Variants in ARHGEF28 observed in about 807,000 individuals in gnomAD.
The protein encoded by ARHGEF28 is 190 kDa guanine nucleotide exchange factor.
ARHGEF28 carries 152 observed loss-of-function variants against 206.6 expected under a neutral mutation model. The ratio of observed to expected loss-of-function variants is 0.74; its 90% CI spans 0.64 to 0.84. The LOEUF (loss-of-function observed/expected upper bound fraction) is 0.84. Among genes scored for constraint, ARHGEF28 ranks in the 40% least tolerant of loss-of-function variants. The probability of loss-of-function intolerance (pLI) is 0.00; values close to 1 mark genes in which losing one functional copy is unlikely to be tolerated. For missense variants in ARHGEF28, 2,028 were observed against 2,073.2 expected, an observed-to-expected ratio of 0.98 and a Z score of 0.42; for synonymous variants, 763 against 776.4, an observed-to-expected ratio of 0.98 and a Z score of 0.29.
At chr5:73,863,786 C>T (rs1376473098) in intron 16 of ARHGEF28, among the ~76,000 whole-genome samples, 4 of 151,904 alleles carry the variant, frequency 2.6e-5, no homozygotes, top group Admixed American at 2.6e-4. Context: ...TATTTACTCA[C>T]TCTGCAATGA....
intron 1 of ARHGEF28, among the ~76,000 whole-genome samples, chr5:73,672,959 G>C (rs1180357510): frequency 1.3e-5 from 2 of 152,158 alleles, no homozygotes; most frequent in Non-Finnish European, 2.9e-5. Flanking sequence ...CCATTAGTTT[G>C]AATTAATGAG....
At chr5:73,630,401 A>G (rs1053392656) in intron 1 of ARHGEF28, among the ~76,000 whole-genome samples, 1 of 152,200 alleles carries the variant, frequency 6.6e-6, no homozygotes, top group Non-Finnish European at 1.5e-5. Context: ...TCTCTACCTC[A>G]GGTTTTTCCA....
chr5:73,807,817 CA>C (rs1221164380), intron 9 of ARHGEF28, among the ~76,000 whole-genome samples: 1 of 151,738 alleles, frequency 6.6e-6, no homozygotes, highest in Non-Finnish European at 1.5e-5. Flanking sequence ...TGTGTTGCTT[CA>C]GTCAGGAAAT....
In ARHGEF28 at chr5:73,935,076, C is replaced by T. The variant is rs377708818; in HGVS notation, c.4949-5768C>T. ...ATCATATCTCCTGTTAATATAATCT[C>T]ATCTTCATTGTATGGATTGTTTTCA... On this transcript the variant is annotated intron_variant, in intron 35 of 35. Coordinates refer to ENST00000513042, the MANE Select transcript of ARHGEF28 (RefSeq NM_001177693.2). Among the ~76,000 whole-genome samples the T allele has an allele frequency of 1.2e-4, 19 of 152,314 alleles. 1 individual carries two copies. Among genetic ancestry groups the T allele is most frequent in the African/African-American group, 4.6e-4 (19 of 41,574 alleles).
intron 1 of ARHGEF28, among the ~76,000 whole-genome samples, chr5:73,676,883 C>A (rs891770275): frequency 4.6e-5 from 7 of 152,178 alleles, no homozygotes; most frequent in African/African-American, 1.7e-4. Context: ...TGGTGTGTGG[C>A]AAGCTTATCA....
In ARHGEF28 at chr5:73,858,163, T is replaced by C; in HGVS notation, c.1991T>C (p.Leu664Pro). The C allele has an allele frequency of 6.2e-7, 1 of 1,611,998 alleles. No homozygotes were observed. Among genetic ancestry groups the C allele is most frequent in the South Asian group, 1.1e-5 (1 of 90,644 alleles). Residue 664 changes from leucine to proline, a missense_variant, in exon 16 of 36, where the codon CTG becomes CCG. Leu to Pro is a moderately conservative substitution (Grantham distance 98). This residue lies in a region of ARHGEF28 where 1,002 missense variants were observed against 1,015.3 expected (regional missense o/e 0.99). Coordinates refer to ENST00000513042, the MANE Select transcript of ARHGEF28 (RefSeq NM_001177693.2). ...QFAPGTFSGV[L>P]QCLVCDKTLL... The stretch of plus-strand genomic sequence containing the variant: ...GCCCCAGGAACATTCTCTGGGGTTC[T>C]GCAGTGTTTGGTTTGTGATAAAACA...
At chr5:73,697,596 A>G (rs777134158) in intron 2 of ARHGEF28, among the ~76,000 whole-genome samples, 1 of 152,072 alleles carries the variant, frequency 6.6e-6, no homozygotes, top group Non-Finnish European at 1.5e-5. Context: ...TTACAGAGCC[A>G]CCAGTCCCCC....
chr5:73,785,337 A>G (rs908262450), intron 7 of ARHGEF28, among the ~76,000 whole-genome samples: 63 of 152,284 alleles, frequency 4.1e-4, no homozygotes, highest in African/African-American at 1.1e-3. Context: ...TCAACCTCTC[A>G]TAGAAACCGT....
intron 1 of ARHGEF28, among the ~76,000 whole-genome samples, chr5:73,673,804 T>C (rs966931728): frequency 6.6e-6 from 1 of 152,144 alleles, no homozygotes; most frequent in African/African-American, 2.4e-5. Context: ...TTGGGATAGG[T>C]ACTATGATTA....
chr5:73,857,069 C>T (rs1289367981), intron 14 of ARHGEF28, among the ~76,000 whole-genome samples: 3 of 152,042 alleles, frequency 2.0e-5, no homozygotes, highest in Admixed American at 6.6e-5. Flanking sequence ...ATGGAGTATC[C>T]ATAGCCTCTC....
chr5:73,897,206 T>A (rs899939441), intron 29 of ARHGEF28, among the ~76,000 whole-genome samples: 2 of 152,210 alleles, frequency 1.3e-5, no homozygotes, highest in East Asian at 3.8e-4. Context: ...AATAGAATGC[T>A]CTTCCTCCTC....
At chr5:73,644,727 C>A (rs1428905402) in intron 1 of ARHGEF28, among the ~76,000 whole-genome samples, 2 of 152,208 alleles carry the variant, frequency 1.3e-5, no homozygotes, top group African/African-American at 4.8e-5. Context: ...TGGCTAGCTT[C>A]TGTTGCTAGT....
In ARHGEF28 at chr5:73,698,701, A is replaced by G. The variant is rs529422717; in HGVS notation, c.33+13817A>G. Among the ~76,000 whole-genome samples, 6 of 152,142 alleles carry G rather than the reference A, an allele frequency of 3.9e-5. No homozygotes were observed. The South Asian group carries it at 1.0e-3, about 26-fold the overall frequency. Reference sequence around the variant, plus strand: ...AAAGTGATTATGTGTGATAATTGTGATAAGTGTTGGATAAGAACATGCTGA... The same window carrying G: ...AAAGTGATTATGTGTGATAATTGTGGTAAGTGTTGGATAAGAACATGCTGA... On this transcript the variant is annotated intron_variant, in intron 2 of 35. Coordinates refer to ENST00000513042, the MANE Select transcript of ARHGEF28 (RefSeq NM_001177693.2).
chr5:73,812,387 G>T (rs1392664723), intron 9 of ARHGEF28, among the ~76,000 whole-genome samples: 1 of 152,174 alleles, frequency 6.6e-6, no homozygotes, highest in Non-Finnish European at 1.5e-5. Context: ...CATATTGTAT[G>T]TTTCCAATGT....
rs138329761 is a variant in ARHGEF28, at chr5:73,918,010, A to G, written c.4948+6435A>G. On this transcript the variant is annotated intron_variant, in intron 35 of 35. Coordinates refer to ENST00000513042, the MANE Select transcript of ARHGEF28 (RefSeq NM_001177693.2). Reference sequence around the variant, plus strand: ...GTAATGATCCGGCTTCAGCAAAGGAAAGGAAGCATCACTCTCTCCATGTAT... The same window carrying G: ...GTAATGATCCGGCTTCAGCAAAGGAGAGGAAGCATCACTCTCTCCATGTAT... Among the ~76,000 whole-genome samples, 190 of 152,288 alleles carry G rather than the reference A, an allele frequency of 1.2e-3. 1 individual carries two copies. In the East Asian group the frequency reaches 0.025, roughly 20 times the overall value.
intron 9 of ARHGEF28, among the ~76,000 whole-genome samples, chr5:73,829,008 A>G (rs1757120122): frequency 6.6e-6 from 1 of 152,054 alleles, no homozygotes; most frequent in South Asian, 2.1e-4. Context: ...TTTAGTGGAG[A>G]CAGGGTTTAG....
chr5:73,834,748 T>C (rs1170963598), intron 10 of ARHGEF28, among the ~76,000 whole-genome samples: 1 of 152,158 alleles, frequency 6.6e-6, no homozygotes, highest in Non-Finnish European at 1.5e-5. Context: ...CAGTATTCTG[T>C]ATAGTAACAT....
intron 22 of ARHGEF28, among the ~76,000 whole-genome samples, chr5:73,878,432 T>TAG (rs1760681416): frequency 6.6e-6 from 1 of 152,120 alleles, no homozygotes; most frequent in South Asian, 2.1e-4. Flanking sequence ...ACATTTAAAG[T>TAG]TAATACTGTT....
intron 1 of ARHGEF28, among the ~76,000 whole-genome samples, chr5:73,636,299 A>G (rs994832847): frequency 2.0e-5 from 3 of 152,338 alleles, no homozygotes; most frequent in South Asian, 2.1e-4. Context: ...CTTGTCTCAC[A>G]ATGGTAGGGC....
Sources: gnomAD v4.1 joint callset for allele counts (sites outside exome capture counted in the v4.1 genomes callset) on GRCh38, gnomAD v4.1.1 for gene constraint, gnomAD v4.1.1 regional missense constraint, MANE v1.5 for transcripts, NCBI Gene and HGNC (gene_info 2026-07-23, HGNC 2026-07-21) for gene names.